Variants in PRKG1 observed in about 807,000 individuals in gnomAD.
PRKG1 encodes cGMP-dependent protein kinase 1.
In PRKG1, 35 loss-of-function variants were observed where a neutral mutation model predicts 88.1. The observed-to-expected ratio is 0.40, with a 90% CI of 0.30 to 0.53. The LOEUF is 0.53. PRKG1 is among the 20% of genes least tolerant of loss of function. PRKG1 has a pLI of 0.59. For synonymous variants in PRKG1, 303 were observed against 292.5 expected (o/e 1.04, Z -0.37); for missense variants, 540 against 839.8 (o/e 0.64, Z 4.41).
chr10:51,940,908 A>G (rs1842893419), intron 5 of PRKG1, among the ~76,000 whole-genome samples: 1 of 152,008 alleles, frequency 6.6e-6, no homozygotes, highest in African/African-American at 2.4e-5. Context: ...TGAAAGTGAG[A>G]GATAGAACAA....
intron 2 of PRKG1, among the ~76,000 whole-genome samples, chr10:51,396,342 G>A (rs78846361): frequency 1.3e-5 from 2 of 151,970 alleles, no homozygotes; most frequent in African/African-American, 4.8e-5. Flanking sequence ...TTGAGGTTAC[G>A]GTGATCGCAT....
chr10:51,327,773 A>G (rs577997514), intron 2 of PRKG1, among the ~76,000 whole-genome samples: 1 of 152,368 alleles, frequency 6.6e-6, no homozygotes, highest in Non-Finnish European at 1.5e-5. Context: ...GTCTAAACAT[A>G]GAAAGACACA....
chr10:51,199,666 G>T (rs112165266), intron 2 of PRKG1, among the ~76,000 whole-genome samples: 1 of 152,170 alleles, frequency 6.6e-6, no homozygotes, highest in African/African-American at 2.4e-5. Flanking sequence ...TGAGGTCGGG[G>T]TATTTCATCT....
chr10:51,687,822 A>G (rs1421350699), intron 3 of PRKG1, among the ~76,000 whole-genome samples: 2 of 152,212 alleles, frequency 1.3e-5, no homozygotes, highest in Non-Finnish European at 2.9e-5. Flanking sequence ...AAAGGGTTAC[A>G]CATATGGACA....
chr10:51,899,827 G>T (rs539121365), intron 4 of PRKG1, among the ~76,000 whole-genome samples: 3 of 151,820 alleles, frequency 2.0e-5, no homozygotes, highest in East Asian at 3.9e-4. Context: ...GAACTGAGTG[G>T]GTTGTGTTGG....
At chr10:51,658,986 A>T (rs554536639) in intron 3 of PRKG1, among the ~76,000 whole-genome samples, 2 of 152,234 alleles carry the variant, frequency 1.3e-5, no homozygotes, top group African/African-American at 4.8e-5. Flanking sequence ...ACAAATGCAA[A>T]AACAACAGTG....
chr10:51,471,941 A>G (rs1246785673), intron 3 of PRKG1, among the ~76,000 whole-genome samples: 1 of 151,934 alleles, frequency 6.6e-6, no homozygotes, highest in South Asian at 2.1e-4. Context: ...AAAATATCTG[A>G]CTAATTATTT....
chr10:51,886,605 C>T (rs1841576178), intron 4 of PRKG1, among the ~76,000 whole-genome samples: 1 of 152,166 alleles, frequency 6.6e-6, no homozygotes, highest in African/African-American at 2.4e-5. Context: ...ATTTGGGTGA[C>T]TAGATGACTC....
chr10:51,331,940 A>G (rs902407384), intron 2 of PRKG1, among the ~76,000 whole-genome samples: 2 of 152,182 alleles, frequency 1.3e-5, no homozygotes, highest in African/African-American at 4.8e-5. Flanking sequence ...ATTAATTGTG[A>G]TTATAATCAC....
intron 7 of PRKG1, among the ~76,000 whole-genome samples, chr10:52,073,502 G>T (rs1281493948): frequency 6.6e-6 from 1 of 152,114 alleles, no homozygotes; most frequent in Non-Finnish European, 1.5e-5. Context: ...TAATCATACT[G>T]AGATCTGTTA....
At chr10:51,177,951 T>TA (rs1400233556) in intron 2 of PRKG1, among the ~76,000 whole-genome samples, 23 of 152,034 alleles carry the variant, frequency 1.5e-4, no homozygotes, top group Non-Finnish European at 2.5e-4. Flanking sequence ...GTAAGAAAAG[T>TA]AAAAAATGTT....
At chr10:51,960,549 A>T (rs1027839063) in intron 5 of PRKG1, among the ~76,000 whole-genome samples, 1 of 149,000 alleles carries the variant, frequency 6.7e-6, no homozygotes, top group Non-Finnish European at 1.5e-5. Flanking sequence ...TTTTCTGTTC[A>T]TGTAGTGTCA....
rs982031210 is a variant in PRKG1 at position 51,984,603 on chromosome 10, G to A, written c.763-69881G>A. On this transcript the variant is annotated intron_variant, in intron 5 of 17. Transcript: ENST00000373980. ...ATACCTGTAGATGCAACATTGCAAAGTGAACTTCAAGGAATTATTAATACA... is the reference window on the plus strand; with the variant it reads ...ATACCTGTAGATGCAACATTGCAAAATGAACTTCAAGGAATTATTAATACA... Among the ~76,000 whole-genome samples, 6 of 152,024 alleles carry A rather than the reference G, an allele frequency of 3.9e-5. No homozygotes were observed. In the East Asian group the frequency reaches 9.6e-4, roughly 24 times the overall value.
rs376486762 is a variant in PRKG1, at chr10:51,744,405, CT to C, written c.593-60179del. ...CCTGTGGACCAGTCCAGCTTTTTAG[CT>C]GAGGAAACCTTGTTTCAAGTTAGAG... On this transcript the variant is annotated intron_variant, in intron 3 of 17. Transcript: ENST00000373980. Among the ~76,000 whole-genome samples the C allele has an allele frequency of 2.4e-3, 368 of 152,244 alleles. 2 individuals are homozygous for C. Among genetic ancestry groups the C allele is most frequent in the African/African-American group, 8.5e-3 (352 of 41,548 alleles).
chr10:52,173,660 G>A (rs1439926182), intron 9 of PRKG1, among the ~76,000 whole-genome samples: 1 of 152,112 alleles, frequency 6.6e-6, no homozygotes, highest in African/African-American at 2.4e-5. Flanking sequence ...GCAAGCATTA[G>A]TCAACTTTAT....
intron 2 of PRKG1, among the ~76,000 whole-genome samples, chr10:51,340,458 C>A (rs1164756601): frequency 2.6e-5 from 4 of 152,112 alleles, no homozygotes; most frequent in Non-Finnish European, 5.9e-5. Flanking sequence ...GTTTGCATGT[C>A]TACAAGTTTC....
chr10:51,675,808 T>C (rs1409394360), intron 3 of PRKG1, among the ~76,000 whole-genome samples: 2 of 152,168 alleles, frequency 1.3e-5, no homozygotes, highest in Non-Finnish European at 2.9e-5. Flanking sequence ...TTGAACAAAA[T>C]TTCCAGAGAA....
intron 9 of PRKG1, among the ~76,000 whole-genome samples, chr10:52,189,120 C>A (rs980399546): frequency 6.6e-6 from 1 of 152,068 alleles, no homozygotes; most frequent in Non-Finnish European, 1.5e-5. Flanking sequence ...TATCAAAATA[C>A]TTTTCTGTAT....
chr10:51,016,180 C>A (rs1363064527), intron 1 of PRKG1, among the ~76,000 whole-genome samples: 1 of 152,160 alleles, frequency 6.6e-6, no homozygotes, highest in Non-Finnish European at 1.5e-5. Flanking sequence ...TGGCAGGGAA[C>A]AGGATACAGG....
Sources: allele counts gnomAD v4.1 joint callset (sites outside exome capture counted in the v4.1 genomes callset), GRCh38; gene constraint gnomAD v4.1.1; transcripts MANE v1.5; gene names NCBI Gene and HGNC (gene_info 2026-07-23, HGNC 2026-07-21).